Variants in RNASET2 observed in about 807,000 individuals in gnomAD.
RNASET2 encodes the protein ribonuclease T2.
In RNASET2, 28 loss-of-function variants were observed where a neutral mutation model predicts 33.9. The ratio of observed to expected loss-of-function variants is 0.83; its 90% CI spans 0.61 to 1.13. The LOEUF (loss-of-function observed/expected upper bound fraction) is 1.13, where lower values mean the gene tolerates loss of function less well. Among genes scored for constraint, RNASET2 ranks in the 50% most tolerant of loss-of-function variants. The pLI is 0.00. For missense variants in RNASET2, 330 were observed against 319.9 expected (o/e 1.03, Z -0.24); for synonymous variants, 123 against 121.0 (o/e 1.02, Z -0.11).
At position 166,955,347 on chromosome 6, in the gene RNASET2, GCA is replaced by G. The variant is rs1491247340; in HGVS notation, c.86+748_86+749del. 6.5e-4 allele frequency: 113 copies of G among 172,528 alleles called. 3 individuals are homozygous for G. Among genetic ancestry groups the G allele is most frequent in the African/African-American group, 3.6e-3 (99 of 27,798 alleles). 10.7% of individuals were successfully genotyped at this position (172,528 alleles called of 1,614,324 possible). On this transcript the variant is annotated intron_variant, in intron 1 of 8. Coordinates refer to ENST00000508775, the MANE Select transcript of RNASET2 (RefSeq NM_003730.6). Reference sequence around the variant, plus strand: ...CACACGCACGCACGCACACGCACACGCACGCACACACACACGCACACACAAAC... The same window carrying G: ...CACACGCACGCACGCACACGCACACGCGCACACACACACGCACACACAAAC...
chr6:166,931,057 A>G lies in RNASET2; in HGVS notation c.554T>C (p.Leu185Pro). 6.2e-7 allele frequency: 1 copy of G among 1,611,958 alleles called. No individual in the cohort carries two copies. The highest frequency in any genetic ancestry group is 8.5e-7 in the Non-Finnish European group (1 of 1,177,984). ...VYGVIPKIQC[L>P]PPSQDEEVQT... ...TAACTGTCTAACCTGGCTTGGTGGA[A>G]GGCACTGGATTTTGGGTATCACTCC... Residue 185 changes from leucine (L) to proline (P), a missense_variant, in exon 8 of 9, where the codon CTT becomes CCT. Coordinates refer to ENST00000508775, the MANE Select transcript of RNASET2 (RefSeq NM_003730.6).
intron 7 of RNASET2, chr6:166,931,676 G>A (rs532062450): frequency 1.2e-5 from 2 of 169,326 alleles, no homozygotes; most frequent in East Asian, 1.6e-4. Flanking sequence ...CTCTACTGAG[G>A]GAGTCCTCCC....
chr6:166,952,647 G>C, intron 1 of RNASET2, 99 bp from the exon 2 acceptor site: 6 of 911,006 alleles, frequency 6.6e-6, no homozygotes, highest in Non-Finnish European at 1.1e-5. Flanking sequence ...ATTCAGCACT[G>C]AGTGCTGTGG....
chr6:166,938,499 T>A, intron 6 of RNASET2: 2 of 523,534 alleles, frequency 3.8e-6, no homozygotes, highest in Non-Finnish European at 7.6e-6. Flanking sequence ...GTTCCAGGAG[T>A]TCTGCGGCAA....
chr6:166,943,261 T>G (rs1054848960), intron 4 of RNASET2, 172 bp from the exon 5 acceptor site: 15 of 562,054 alleles, frequency 2.7e-5, no homozygotes, highest in Non-Finnish European at 4.5e-5. Context: ...TTAAGATATA[T>G]CTACAAGTGC....
intron 6 of RNASET2, chr6:166,938,628 A>G (rs2128645176): frequency 1.4e-6 from 1 of 708,416 alleles, no homozygotes. Flanking sequence ...CGTTTTCCCT[A>G]TGGCCGACTC....
At chr6:166,948,377 T>C (rs1265418557) in intron 3 of RNASET2, 193 bp downstream of exon 3, 5 of 670,946 alleles carry the variant, frequency 7.5e-6, no homozygotes. Flanking sequence ...TATTGTTCTA[T>C]GAAGACAGAA....
intron 4 of RNASET2, among the ~76,000 whole-genome samples, chr6:166,944,547 G>A (rs1398560438): frequency 6.9e-6 from 1 of 145,296 alleles, no homozygotes; most frequent in African/African-American, 2.5e-5. Context: ...CCTAGGGCAC[G>A]ATATGATTGA....
At chr6:166,955,319 ACACACACGCACG>A (rs1562507322) in intron 1 of RNASET2, among the ~76,000 whole-genome samples, 5 of 64,572 alleles carry the variant, frequency 7.7e-5, no homozygotes, top group African/African-American at 3.2e-4. Flanking sequence ...ACACACACGC[ACACACACGCACG>A]CACGCACACG....
chr6:166,943,836 C>T (rs190925108), intron 4 of RNASET2: 1 of 452,058 alleles, frequency 2.2e-6, no homozygotes, highest in African/African-American at 2.0e-5. Flanking sequence ...GTTCTAAAAA[C>T]ATTGGCCGGG....
intron 4 of RNASET2, among the ~76,000 whole-genome samples, chr6:166,946,373 G>A (rs1021565289): frequency 2.6e-5 from 4 of 152,228 alleles, no homozygotes; most frequent in Non-Finnish European, 4.4e-5. Context: ...GCTGGCGGGC[G>A]AGCGTCAGGA....
chr6:166,945,694 G>C (rs1186404850), intron 4 of RNASET2, among the ~76,000 whole-genome samples: 2 of 152,002 alleles, frequency 1.3e-5, no homozygotes, highest in Non-Finnish European at 2.9e-5. Flanking sequence ...GCCGGGCATG[G>C]TGGCGCATGC....
At chr6:166,950,599 G>T (rs925410610) in intron 2 of RNASET2, among the ~76,000 whole-genome samples, 9 of 152,248 alleles carry the variant, frequency 5.9e-5, no homozygotes, top group Non-Finnish European at 1.5e-5. Flanking sequence ...TGAGAAGTGT[G>T]CAATGCACAC....
intron 1 of RNASET2, chr6:166,955,397 G>GCACTCACA: frequency 1.9e-6 from 1 of 519,314 alleles, no homozygotes; most frequent in African/African-American, 3.2e-5. Context: ...ACACACACGC[G>GCACTCACA]CACACACACA....
chr6:166,955,291 CACAG>C (rs1282831584), intron 1 of RNASET2, among the ~76,000 whole-genome samples: 15 of 66,004 alleles, frequency 2.3e-4, no homozygotes, highest in African/African-American at 1.0e-3. Context: ...GACACACACG[CACAG>C]ACGCGCACAC....
chr6:166,938,198 A>T (rs1778612470), intron 6 of RNASET2, among the ~76,000 whole-genome samples: 2 of 152,138 alleles, frequency 1.3e-5, no homozygotes, highest in African/African-American at 4.8e-5. Flanking sequence ...CTGGTTTATT[A>T]TGACCTCTTA....
chr6:166,922,950 G>A lies in RNASET2; in HGVS notation c.*6638C>T, dbSNP rs575780992. 1.3e-5 allele frequency among the ~76,000 whole-genome samples: 2 copies of A among 152,316 alleles called. No homozygotes were observed. The highest frequency in any genetic ancestry group is 2.1e-4 in the South Asian group (1 of 4,834). On this transcript the variant is annotated 3_prime_UTR_variant, in exon 9 of 9. Coordinates refer to ENST00000508775, the MANE Select transcript of RNASET2 (RefSeq NM_003730.6). ...GCAGACTTTTCTCAGTGTTAAAAGCGGGTAGGAAAAGGTGATTGTGTAATT... is the reference window on the plus strand; with the variant it reads ...GCAGACTTTTCTCAGTGTTAAAAGCAGGTAGGAAAAGGTGATTGTGTAATT...
chr6:166,943,951 C>A, intron 4 of RNASET2: 1 of 259,986 alleles, frequency 3.8e-6, no homozygotes. Context: ...GAAACCCTGT[C>A]TCTACTAAAA....
rs1778633242 is a variant in RNASET2, at chr6:166,938,940, T to A, written c.401A>T (p.Tyr134Phe). Residue 134 changes from tyrosine to phenylalanine, a missense_variant, in exon 6 of 9, where the codon TAC (tyrosine) becomes TTC (phenylalanine). Physicochemically the swap from Tyr to Phe is conservative, Grantham distance 22 (BLOSUM62 3). Transcript: ENST00000508775. ...QVDALNSQKK[Y>F]FGRSLELYRE... ...GTAGAGTTCCAGGCTTCTGCCAAAG[T>A]ACTTCTTCTGGGAGTTGAGCGCATC... 2 of 1,613,864 alleles carry A rather than the reference T, an allele frequency of 1.2e-6. No homozygotes were observed. The highest frequency in any genetic ancestry group is 1.7e-6 in the Non-Finnish European group (2 of 1,179,982).
Sources: gnomAD v4.1 joint callset for allele counts (sites outside exome capture counted in the v4.1 genomes callset) on GRCh38, gnomAD v4.1.1 for gene constraint, MANE v1.5 for transcripts, NCBI Gene and HGNC (gene_info 2026-07-23, HGNC 2026-07-21) for gene names.